HFM1: variants seen among roughly 807,000 people sequenced by gnomAD.
HFM1 encodes the protein helicase for meiosis 1.
HFM1 carries 169 observed loss-of-function variants against 192.1 expected under a neutral mutation model. The observed-to-expected ratio is 0.88, with a 90% CI of 0.78 to 1.00. The LOEUF is 1.00. Among genes scored for constraint, HFM1 ranks in the 50% least tolerant of loss-of-function variants. HFM1 has a pLI of 0.00. For synonymous variants in HFM1, 525 were observed against 537.8 expected, an observed-to-expected ratio of 0.98 and a Z score of 0.33; for missense variants, 1,661 against 1,668.0, an observed-to-expected ratio of 1.00 and a Z score of 0.07.
Position 91,378,483 on chromosome 1 carries a change from A to G in HFM1, c.1159-3T>C. On this transcript the variant is annotated splice_polypyrimidine_tract_variant and splice_region_variant and intron_variant, in intron 9 of 38. Coordinates refer to ENST00000370425, the MANE Select transcript of HFM1 (RefSeq NM_001017975.6). Reference sequence around the variant, plus strand: ...CTAGTCATGCTATCCCATTTTTCCTAGAGAGAAAAAAAAGCATACAAGTAG... The same window carrying G: ...CTAGTCATGCTATCCCATTTTTCCTGGAGAGAAAAAAAAGCATACAAGTAG... The G allele has an allele frequency of 6.4e-7, 1 of 1,573,004 alleles. No individual in the cohort carries two copies. The highest frequency in any genetic ancestry group is 8.7e-7 in the Non-Finnish European group (1 of 1,146,192).
chr1:91,380,260 C>T, intron 7 of HFM1, 24 bp from the exon 8 acceptor site: 2 of 1,427,096 alleles, frequency 1.4e-6, no homozygotes, highest in Non-Finnish European at 1.9e-6. Context: ...AGTAATCAAT[C>T]ATGTAACATA....
At chr1:91,328,893 AAGT>A (rs1389375661) in intron 20 of HFM1, 1 of 1,610,956 alleles carries the variant, frequency 6.2e-7, no homozygotes, top group Non-Finnish European at 8.5e-7. Flanking sequence ...AAGGCTGGCA[AAGT>A]CTATCCTGTG....
chr1:91,274,371 CTGAGCTTCTAAATGGAAAGGTT>C (rs1456953980), intron 33 of HFM1, among the ~76,000 whole-genome samples: 1 of 151,894 alleles, frequency 6.6e-6, no homozygotes, highest in African/African-American at 2.4e-5. Context: ...TTAATATGGA[CTGAGCTTCTAAATGGAAAGGTT>C]AGACTGTACA....
chr1:91,385,382 T>G, intron 5 of HFM1, 148 bp from the exon 6 acceptor site: 2 of 758,554 alleles, frequency 2.6e-6, no homozygotes, highest in Non-Finnish European at 2.2e-6. Flanking sequence ...AAGTTAAAAA[T>G]ATTTTTAGCA....
chr1:91,315,363 A>G (rs565900102), intron 28 of HFM1, among the ~76,000 whole-genome samples: 9 of 152,218 alleles, frequency 5.9e-5, no homozygotes, highest in Admixed American at 1.3e-4. Flanking sequence ...AACTAGATAT[A>G]AGGGAGGGTA....
chr1:91,264,490 A>C (rs925745310), intron 36 of HFM1, among the ~76,000 whole-genome samples: 1 of 140,550 alleles, frequency 7.1e-6, no homozygotes, highest in Non-Finnish European at 1.5e-5. Flanking sequence ...CTCCTGCCTC[A>C]GCCTCCCGAG....
intron 13 of HFM1, among the ~76,000 whole-genome samples, chr1:91,362,299 T>C (rs1658620222): frequency 6.6e-6 from 1 of 152,072 alleles, no homozygotes; most frequent in African/African-American, 2.4e-5. Flanking sequence ...AAACGTCATC[T>C]TCTCAGCACA....
chr1:91,371,177 T>C (rs1364911198), intron 13 of HFM1, among the ~76,000 whole-genome samples: 1 of 152,128 alleles, frequency 6.6e-6, no homozygotes, highest in Non-Finnish European at 1.5e-5. Context: ...CAAGGTAATT[T>C]ATAGATTCAA....
chr1:91,264,832 T>TG (rs1050632318), intron 36 of HFM1, among the ~76,000 whole-genome samples: 3 of 152,214 alleles, frequency 2.0e-5, no homozygotes, highest in African/African-American at 7.2e-5. Context: ...TTGCATTTTT[T>TG]GTAAAGATAC....
At chr1:91,403,275 C>T (rs920794941) in intron 1 of HFM1, among the ~76,000 whole-genome samples, 2 of 152,032 alleles carry the variant, frequency 1.3e-5, no homozygotes, top group African/African-American at 2.4e-5. Context: ...GGAATAAATG[C>T]ATTAGCAAGA....
intron 8 of HFM1, among the ~76,000 whole-genome samples, chr1:91,379,733 T>C (rs1661327819): frequency 2.6e-5 from 4 of 152,180 alleles, no homozygotes; most frequent in Admixed American, 1.3e-4. Flanking sequence ...CCTTTACTGA[T>C]ATTTGATTTT....
At chr1:91,276,889 T>C in intron 31 of HFM1, 93 bp downstream of exon 31, 1 of 853,664 alleles carries the variant, frequency 1.2e-6, no homozygotes, top group Non-Finnish European at 1.9e-6. Context: ...AGTTGCATAA[T>C]ATAAATATCA....
chr1:91,404,762 C>T, intron 1 of HFM1, 36 bp downstream of exon 1: 1 of 430,202 alleles, frequency 2.3e-6, no homozygotes, highest in Non-Finnish European at 4.7e-6. Context: ...CCCCCGTCCC[C>T]ACCTTCCCCG....
chr1:91,274,617 A>G, intron 33 of HFM1, 113 bp downstream of exon 33: 1 of 533,646 alleles, frequency 1.9e-6, no homozygotes, highest in Admixed American at 3.3e-5. Context: ...GAACTAAACG[A>G]TAACTGTGAC....
intron 25 of HFM1, among the ~76,000 whole-genome samples, chr1:91,317,133 G>T (rs1368209634): frequency 1.3e-5 from 2 of 151,954 alleles, no homozygotes; most frequent in Non-Finnish European, 1.5e-5. Context: ...CATCAAATTC[G>T]GTTGGGCCCA....
chr1:91,393,782 A>G (rs949075158), intron 4 of HFM1, among the ~76,000 whole-genome samples: 4 of 152,292 alleles, frequency 2.6e-5, no homozygotes, highest in Admixed American at 1.3e-4. Context: ...AACCCAAGGC[A>G]TTAGGAAAAT....
intron 25 of HFM1, among the ~76,000 whole-genome samples, chr1:91,317,746 A>G (rs1178148725): frequency 6.6e-6 from 1 of 152,106 alleles, no homozygotes; most frequent in Non-Finnish European, 1.5e-5. Context: ...ATTTCCCCTC[A>G]AAATGTTTAT....
intron 34 of HFM1, 58 bp downstream of exon 34, chr1:91,273,654 C>G (rs545064336): frequency 2.3e-6 from 2 of 865,154 alleles, no homozygotes; most frequent in East Asian, 2.5e-5. Flanking sequence ...CACTACTCGT[C>G]AATTCAAAGT....
intron 30 of HFM1, among the ~76,000 whole-genome samples, chr1:91,294,486 G>T (rs951859498): frequency 6.6e-6 from 1 of 152,074 alleles, no homozygotes; most frequent in African/African-American, 2.4e-5. Flanking sequence ...CTATAGCAGG[G>T]GTTGGAAACT....
Sources: gnomAD v4.1 joint callset for allele counts (sites outside exome capture counted in the v4.1 genomes callset) on GRCh38, gnomAD v4.1.1 for gene constraint, MANE v1.5 for transcripts, NCBI Gene and HGNC (gene_info 2026-07-23, HGNC 2026-07-21) for gene names.